The following NFIB variants were observed in gnomAD, a reference collection of about 807,000 sequenced individuals.
NFIB encodes nuclear factor I B.
Under a neutral mutation model 61.5 loss-of-function variants are expected in NFIB, and 11 were observed. The ratio of observed to expected loss-of-function variants is 0.18; its 90% CI spans 0.11 to 0.30. The LOEUF is 0.30. NFIB is among the 10% of genes least tolerant of loss of function. The probability of loss-of-function intolerance (pLI) is 1.00; values close to 1 mark genes in which losing one functional copy is unlikely to be tolerated. For synonymous variants in NFIB, 260 were observed against 216.5 expected (o/e 1.20, Z -1.76); for missense variants, 471 against 608.9 (o/e 0.77, Z 2.38).
At chr9:14,261,768 G>C (rs1037903799) in intron 2 of NFIB, among the ~76,000 whole-genome samples, 1 of 152,214 alleles carries the variant, frequency 6.6e-6, no homozygotes, top group African/African-American at 2.4e-5. Context: ...ACAATGGTTT[G>C]TGACAAATGT....
the NFIB span, among the ~76,000 whole-genome samples, chr9:14,473,176 G>C: frequency 1.3e-5 from 2 of 152,196 alleles, no homozygotes; most frequent in African/African-American, 4.8e-5. Context: ...TCAATATTGA[G>C]CTGCAGAAAC....
chr9:14,329,460 A>AC (rs1332787656), intron 1 of NFIB, among the ~76,000 whole-genome samples: 2 of 150,944 alleles, frequency 1.3e-5, no homozygotes, highest in South Asian at 2.1e-4. Flanking sequence ...CAAACACCTG[A>AC]CCCCCCTGCA....
the NFIB span, among the ~76,000 whole-genome samples, chr9:14,406,998 T>C: frequency 6.6e-6 from 1 of 152,220 alleles, no homozygotes; most frequent in African/African-American, 2.4e-5. Flanking sequence ...GTATTAAAAT[T>C]AATAGTAGGG....
At chr9:14,491,041 A>G in the NFIB span, among the ~76,000 whole-genome samples, 2 of 152,244 alleles carry the variant, frequency 1.3e-5, no homozygotes, top group African/African-American at 4.8e-5. Flanking sequence ...TGTAGAAATT[A>G]AAAGAAGCCC....
At chr9:14,394,910 A>G (rs944991570) in intron 1 of NFIB, among the ~76,000 whole-genome samples, 1 of 152,242 alleles carries the variant, frequency 6.6e-6, no homozygotes, top group East Asian at 1.9e-4. Context: ...CTGTAAGAAT[A>G]TAATTAATTA....
intron 2 of NFIB, among the ~76,000 whole-genome samples, chr9:14,242,102 T>A (rs961053562): frequency 4.7e-4 from 72 of 152,312 alleles, no homozygotes; most frequent in African/African-American, 1.7e-3. Flanking sequence ...CTATCAGATA[T>A]TTAATATGTT....
the NFIB span, among the ~76,000 whole-genome samples, chr9:14,492,173 A>C: frequency 5.3e-5 from 8 of 151,936 alleles, no homozygotes; most frequent in Admixed American, 3.3e-4. Context: ...ACCATCCTGG[A>C]TAACACAGTG....
chr9:14,223,017 G>T (rs1263710934), intron 2 of NFIB, among the ~76,000 whole-genome samples: 3 of 152,184 alleles, frequency 2.0e-5, no homozygotes, highest in African/African-American at 7.2e-5. Flanking sequence ...AAGAAGAATT[G>T]TCTTGAGCCA....
At chr9:14,227,603 G>GT (rs1439664693) in intron 2 of NFIB, among the ~76,000 whole-genome samples, 2 of 152,024 alleles carry the variant, frequency 1.3e-5, no homozygotes, top group Non-Finnish European at 2.9e-5. Flanking sequence ...TGTAATCATG[G>GT]TTTTTTTAAA....
intron 4 of NFIB, among the ~76,000 whole-genome samples, chr9:14,151,480 A>T (rs1398206984): frequency 2.0e-5 from 3 of 151,430 alleles, no homozygotes; most frequent in Non-Finnish European, 4.4e-5. Flanking sequence ...CATTCATGCG[A>T]AACACATAAA....
intron 2 of NFIB, among the ~76,000 whole-genome samples, chr9:14,187,483 G>C (rs967065168): frequency 3.9e-5 from 6 of 152,112 alleles, no homozygotes; most frequent in Non-Finnish European, 7.4e-5. Flanking sequence ...AAAACGCATA[G>C]TTTAAAAAGA....
At chr9:14,337,961 G>A (rs929825878) in intron 1 of NFIB, among the ~76,000 whole-genome samples, 2 of 152,074 alleles carry the variant, frequency 1.3e-5, no homozygotes, top group Admixed American at 6.5e-5. Context: ...ATTAGACTGG[G>A]CAGTAAATGC....
chr9:14,314,145 C>T (rs2060427773), upstream of NFIB: 3 of 892,804 alleles, frequency 3.4e-6, no homozygotes, highest in Non-Finnish European at 3.8e-6. Flanking sequence ...CGAGTGCGCG[C>T]GGGTGGCGGG....
chr9:14,174,530 G>A (rs945243010), intron 3 of NFIB, among the ~76,000 whole-genome samples: 10 of 152,138 alleles, frequency 6.6e-5, no homozygotes, highest in African/African-American at 2.2e-4. Flanking sequence ...CACTTTGGGA[G>A]GCTGAGGCGG....
the NFIB span, among the ~76,000 whole-genome samples, chr9:14,446,341 C>A: frequency 6.6e-6 from 1 of 152,130 alleles, no homozygotes; most frequent in Admixed American, 6.5e-5. Flanking sequence ...CTGCTTAATT[C>A]CCCTTGTCTT....
chr9:14,424,121 C>A, the NFIB span, among the ~76,000 whole-genome samples: 2 of 152,164 alleles, frequency 1.3e-5, no homozygotes, highest in Admixed American at 1.3e-4. Context: ...ATGCTCATAA[C>A]ACCGATGCCA....
rs573461448 is a variant in NFIB, at chr9:14,325,621, C to T, written c.109-18101G>A. Among the ~76,000 whole-genome samples, 3 of 152,054 alleles carry T rather than the reference C, an allele frequency of 2.0e-5. No homozygotes were observed. The East Asian group carries it at 5.8e-4, about 29-fold the overall frequency. ...TTTATTTTGTCTTACTTTTCTATTTCTCAAAAATAGAGAAAGTGTGTTTTA... is the reference window on the plus strand; with the variant it reads ...TTTATTTTGTCTTACTTTTCTATTTTTCAAAAATAGAGAAAGTGTGTTTTA... On this transcript the variant is annotated intron_variant, in intron 1 of 8. Transcript: ENST00000380934.
At chr9:14,271,879 T>G (rs1017432248) in intron 2 of NFIB, among the ~76,000 whole-genome samples, 1 of 152,186 alleles carries the variant, frequency 6.6e-6, no homozygotes, top group Non-Finnish European at 1.5e-5. Context: ...TCATAAGAAC[T>G]CTGGGTAGAG....
At chr9:14,425,095 A>G in the NFIB span, among the ~76,000 whole-genome samples, 1 of 152,188 alleles carries the variant, frequency 6.6e-6, no homozygotes, top group Non-Finnish European at 1.5e-5. Flanking sequence ...GACAGCCAAA[A>G]TAAGTGTTTG....
Sources: allele counts gnomAD v4.1 joint callset (sites outside exome capture counted in the v4.1 genomes callset), GRCh38; gene constraint gnomAD v4.1.1; transcripts MANE v1.5; gene names NCBI Gene and HGNC (gene_info 2026-07-23, HGNC 2026-07-21).